CA10: variants seen among roughly 807,000 people sequenced by gnomAD.
CA10 encodes carbonic anhydrase-related protein 10.
Under a neutral mutation model 44.2 loss-of-function variants are expected in CA10, and 14 were observed. That is an observed-to-expected ratio of 0.32 (90% CI 0.21 to 0.50). CA10 has a LOEUF of 0.50. Ranked by LOEUF, CA10 falls within the 20% of genes least tolerant of loss-of-function variation. The pLI is 0.99. For synonymous variants in CA10, 159 were observed against 141.6 expected (o/e 1.12, Z -0.87); for missense variants, 350 against 409.7 (o/e 0.85, Z 1.26).
chr17:51,932,112 G>T (rs142097026), intron 2 of CA10, among the ~76,000 whole-genome samples: 1 of 152,178 alleles, frequency 6.6e-6, no homozygotes, highest in African/African-American at 2.4e-5. Flanking sequence ...GAATCTCGAG[G>T]AAGGCAGGTA....
At chr17:51,987,377 A>G (rs1984878009) in intron 2 of CA10, among the ~76,000 whole-genome samples, 1 of 151,968 alleles carries the variant, frequency 6.6e-6, no homozygotes, top group African/African-American at 2.4e-5. Flanking sequence ...GACTTGGGGA[A>G]AGGGTGGGAA....
intron 2 of CA10, among the ~76,000 whole-genome samples, chr17:51,996,908 C>T (rs1248944643): frequency 2.6e-5 from 4 of 152,066 alleles, no homozygotes; most frequent in Admixed American, 2.6e-4. Context: ...AAGAGAACTT[C>T]TGTAATATGC....
chr17:51,848,179 G>C (rs1412722422), intron 3 of CA10, among the ~76,000 whole-genome samples: 1 of 151,314 alleles, frequency 6.6e-6, no homozygotes, highest in Non-Finnish European at 1.5e-5. Flanking sequence ...AACAGAGACA[G>C]GATCCAGCTC....
At chr17:52,087,443 C>CT (rs1356387846) in intron 1 of CA10, among the ~76,000 whole-genome samples, 1 of 152,140 alleles carries the variant, frequency 6.6e-6, no homozygotes, top group Non-Finnish European at 1.5e-5. Flanking sequence ...CACCTGGCCC[C>CT]TTTCCTTGTA....
At chr17:52,059,830 A>C (rs1453407854) in intron 2 of CA10, among the ~76,000 whole-genome samples, 7 of 152,172 alleles carry the variant, frequency 4.6e-5, no homozygotes, top group Non-Finnish European at 1.0e-4. Flanking sequence ...CTTGAAACAA[A>C]ATTCTACTCT....
At chr17:51,716,589 C>T (rs147258806) in intron 4 of CA10, among the ~76,000 whole-genome samples, 1 of 152,232 alleles carries the variant, frequency 6.6e-6, no homozygotes, top group Non-Finnish European at 1.5e-5. Context: ...CAGGGCTGCC[C>T]CTAAGGTGAT....
chr17:51,726,892 T>A (rs1916543433), intron 4 of CA10, among the ~76,000 whole-genome samples: 1 of 152,150 alleles, frequency 6.6e-6, no homozygotes, highest in South Asian at 2.1e-4. Flanking sequence ...TTTAATGAAA[T>A]CATTTGGTGG....
chr17:52,108,194 T>TATA (rs1567735876), intron 1 of CA10, among the ~76,000 whole-genome samples: 3,436 of 57,346 alleles, frequency 0.06, 64 homozygotes, highest in East Asian at 0.13. Flanking sequence ...TATATATTTT[T>TATA]TATATATATA....
At chr17:51,816,793 A>G (rs1312422793) in intron 3 of CA10, among the ~76,000 whole-genome samples, 1 of 152,206 alleles carries the variant, frequency 6.6e-6, no homozygotes, top group African/African-American at 2.4e-5. Context: ...AATTACAAAC[A>G]TTATTCAGAG....
chr17:51,672,658 G>T (rs976553290), intron 4 of CA10, among the ~76,000 whole-genome samples: 1 of 152,170 alleles, frequency 6.6e-6, no homozygotes, highest in African/African-American at 2.4e-5. Flanking sequence ...TTAACCAGAA[G>T]CCAGAATGAA....
intron 4 of CA10, among the ~76,000 whole-genome samples, chr17:51,697,197 G>A (rs559823614): frequency 1.3e-5 from 2 of 152,178 alleles, no homozygotes; most frequent in South Asian, 4.2e-4. Flanking sequence ...CTTCCTATCA[G>A]TAAAATGGGA....
At chr17:51,918,289 G>A (rs1982084049) in intron 3 of CA10, among the ~76,000 whole-genome samples, 1 of 152,208 alleles carries the variant, frequency 6.6e-6, no homozygotes. Context: ...AAGGAAGCAA[G>A]AGTGGCTTTT....
Position 51,648,186 on chromosome 17 carries a change from T to A in CA10, c.634+996A>T, listed in dbSNP as rs112956973. On this transcript the variant is annotated intron_variant, in intron 6 of 8. Coordinates refer to ENST00000451037, the MANE Select transcript of CA10 (RefSeq NM_020178.5). ...AGCTGTACACATTCATTTTTTTTTC[T>A]TCACATCACCATTGGAGAGAGAAGC... 1.4e-3 allele frequency among the ~76,000 whole-genome samples: 215 copies of A among 152,328 alleles called. 1 individual carries two copies. Among genetic ancestry groups the A allele is most frequent in the African/African-American group, 4.9e-3 (204 of 41,570 alleles).
chr17:51,804,276 C>T (rs1246304183), intron 3 of CA10, among the ~76,000 whole-genome samples: 1 of 152,084 alleles, frequency 6.6e-6, no homozygotes, highest in Non-Finnish European at 1.5e-5. Flanking sequence ...TTGATAACAC[C>T]TGCCACACAA....
At chr17:51,731,717 G>A (rs547329081) in intron 4 of CA10, among the ~76,000 whole-genome samples, 1 of 147,360 alleles carries the variant, frequency 6.8e-6, no homozygotes, top group African/African-American at 2.5e-5. Context: ...TCACTCTGTT[G>A]CCGAGGCTGG....
chr17:51,771,963 G>T (rs1335080829), intron 3 of CA10, among the ~76,000 whole-genome samples: 1 of 152,186 alleles, frequency 6.6e-6, no homozygotes, highest in Non-Finnish European at 1.5e-5. Context: ...CAGAGTGTAT[G>T]TGCCTCATCT....
intron 6 of CA10, among the ~76,000 whole-genome samples, chr17:51,645,150 T>A (rs950977659): frequency 7.9e-5 from 12 of 152,078 alleles, no homozygotes; most frequent in African/African-American, 2.9e-4. Context: ...TCCCTGCCAA[T>A]CCCCATCAGC....
chr17:52,000,905 TG>T, intron 2 of CA10, among the ~76,000 whole-genome samples: 1 of 33,502 alleles, frequency 3.0e-5, no homozygotes, highest in Middle Eastern at 0.014. Flanking sequence ...ATCAAGTGGC[TG>T]GGGGGTGGGG....
rs1262086608 is a variant in CA10, at chr17:51,633,247, C to CACTT, written c.964+225_964+228dup. The stretch of plus-strand genomic sequence containing the variant: ...CCTACCGTCCATCCATCCATCCATC[C>CACTT]ACTTACTTACCTACCTACCAACCTA... On this transcript the variant is annotated intron_variant, in intron 8 of 8. Transcript: ENST00000451037. 7.2e-5 allele frequency among the ~76,000 whole-genome samples: 11 copies of CACTT among 152,280 alleles called. No homozygotes were observed. In the South Asian group the frequency reaches 1.7e-3, roughly 23 times the overall value.
Sources: gnomAD v4.1 joint callset for allele counts (sites outside exome capture counted in the v4.1 genomes callset) on GRCh38, gnomAD v4.1.1 for gene constraint, MANE v1.5 for transcripts, NCBI Gene and HGNC (gene_info 2026-07-23, HGNC 2026-07-21) for gene names.